The following LMO7 variants were observed in gnomAD, a reference collection of about 807,000 sequenced individuals.
LMO7 encodes LIM domain only protein 7.
Under a neutral mutation model 206.5 loss-of-function variants are expected in LMO7, and 120 were observed. The observed-to-expected ratio is 0.58, with a 90% CI of 0.50 to 0.68. LMO7 has a LOEUF of 0.68. LMO7 is among the 30% of genes least tolerant of loss of function. LMO7 has a pLI of 0.00. For synonymous variants in LMO7, 706 were observed against 681.5 expected (o/e 1.04, Z -0.56); for missense variants, 1,959 against 1,957.9 (o/e 1.00, Z -0.01).
Position 75,807,766 on chromosome 13 carries a change from G to C in LMO7, c.1483G>C (p.Glu495Gln). The change falls in exon 10 of 31, where the codon GAG (glutamate) becomes CAG (glutamine). Residue 495 changes from glutamate to glutamine, a missense_variant. Physicochemically the swap from Glu to Gln is conservative, Grantham distance 29 (BLOSUM62 2). Coordinates refer to ENST00000377534, the MANE Select transcript of LMO7 (RefSeq NM_001306080.2). ...GTTCTCTGAGCAAGATGATTCTGTA[G>C]AGCGAGATATAATTTTACAGTGTAG... Reference protein sequence around the residue: ...RKFSEQDDSVERDIILQCREG... With the variant: ...RKFSEQDDSVQRDIILQCREG... 2 of 1,613,948 alleles carry C rather than the reference G, an allele frequency of 1.2e-6. No individual in the cohort carries two copies. The highest frequency in any genetic ancestry group is 1.7e-6 in the Non-Finnish European group (2 of 1,179,884).
chr13:75,834,527 C>G (rs973285542), intron 17 of LMO7, 140 bp downstream of exon 17: 3 of 586,728 alleles, frequency 5.1e-6, no homozygotes, highest in Non-Finnish European at 8.5e-6. Context: ...TACGTCATGA[C>G]AAATCTTGAA....
rs1328872065 is a variant in LMO7, at chr13:75,630,802, GTTTTC to G, written c.225+7487_225+7491del. ...AGATAAGGTGCTTTATACACTGCCT[GTTTTC>G]TTTTTTCTTTTTTTCTTTTTGTATT... On this transcript the variant is annotated intron_variant, in intron 2 of 29. Transcript: ENST00000341547. Among the ~76,000 whole-genome samples, 72 of 149,686 alleles carry G rather than the reference GTTTTC, an allele frequency of 4.8e-4. 1 individual carries two copies. Among genetic ancestry groups the G allele is most frequent in the Non-Finnish European group, 1.5e-4 (10 of 67,678 alleles).
In LMO7 at chr13:75,807,833, T is replaced by A; in HGVS notation, c.1550T>A (p.Met517Lys). 1 of 1,613,932 alleles carries A rather than the reference T, an allele frequency of 6.2e-7. No homozygotes were observed. Among genetic ancestry groups the A allele is most frequent in the Non-Finnish European group, 8.5e-7 (1 of 1,179,884 alleles). ...CTTCCGGATTTGGAAAAAGATGATA[T>A]GATTGTTCGCCGAATTCCAGCACAG... ...LVLPDLEKDD[M>K]IVRRIPAQKK... Residue 517 changes from methionine to lysine, a missense_variant, in exon 10 of 31, where the codon ATG becomes AAG. By Grantham distance (95) the Met-to-Lys change is moderately conservative. Coordinates refer to ENST00000377534, the MANE Select transcript of LMO7 (RefSeq NM_001306080.2).
intron 4 of LMO7, among the ~76,000 whole-genome samples, chr13:75,776,131 A>G (rs2050355233): frequency 1.5e-5 from 2 of 129,650 alleles, no homozygotes; most frequent in South Asian, 5.1e-4. Flanking sequence ...ACATACATAT[A>G]TATATATATA....
chr13:75,729,427 TTGTC>T (rs1330540519), intron 3 of LMO7, among the ~76,000 whole-genome samples: 7 of 140,552 alleles, frequency 5.0e-5, no homozygotes, highest in Non-Finnish European at 9.4e-5. Flanking sequence ...GGCTCTCTGT[TTGTC>T]TGTTATTGGT....
intron 15 of LMO7, among the ~76,000 whole-genome samples, chr13:75,825,890 T>C (rs2058070110): frequency 6.6e-6 from 1 of 152,220 alleles, no homozygotes; most frequent in Non-Finnish European, 1.5e-5. Flanking sequence ...GCTGATCATC[T>C]AAATGTTTCG....
chr13:75,636,409 C>G lies in LMO7; in HGVS notation c.-249C>G, dbSNP rs2035857291. 7.5e-7 allele frequency: 1 copy of G among 1,333,208 alleles called. No individual in the cohort carries two copies. Among genetic ancestry groups the G allele is most frequent in the East Asian group, 3.4e-5 (1 of 29,090 alleles). The allele number at this position is 1,333,208 out of a possible 1,614,324, so 82.6% of individuals were successfully genotyped here. ...CCGCGTCCTGCCTGACTGCCCGGGTCCCCGCGGGCCTTGGGTCGCTTTCAG... is the reference window on the plus strand; with the variant it reads ...CCGCGTCCTGCCTGACTGCCCGGGTGCCCGCGGGCCTTGGGTCGCTTTCAG... On this transcript the variant is annotated 5_prime_UTR_variant, in exon 1 of 31. Transcript: ENST00000377534.
chr13:75,802,871 A>T (rs1465013498), intron 7 of LMO7, among the ~76,000 whole-genome samples: 3 of 152,222 alleles, frequency 2.0e-5, no homozygotes, highest in Non-Finnish European at 4.4e-5. Context: ...TTAGGATAAC[A>T]GAATTGCAAT....
chr13:75,764,589 AGAAAG>A (rs914443027), intron 4 of LMO7, among the ~76,000 whole-genome samples: 2 of 152,192 alleles, frequency 1.3e-5, no homozygotes, highest in African/African-American at 4.8e-5. Context: ...TGAAGTTGGC[AGAAAG>A]GTAGGGTTTA....
In LMO7 at chr13:75,640,813, T is replaced by C. The variant is rs532342452; in HGVS notation, c.69+4087T>C. On this transcript the variant is annotated intron_variant, in intron 1 of 30. Coordinates refer to ENST00000377534, the MANE Select transcript of LMO7 (RefSeq NM_001306080.2). ...GCTTCAGTGTCTTAAGCTTTATTGGTTGCAGTTGTTTGGTTGGAACCTGCT... is the reference window on the plus strand; with the variant it reads ...GCTTCAGTGTCTTAAGCTTTATTGGCTGCAGTTGTTTGGTTGGAACCTGCT... Among the ~76,000 whole-genome samples the C allele has an allele frequency of 1.7e-4, 26 of 152,350 alleles. No homozygotes were observed. In the South Asian group the frequency reaches 3.7e-3, roughly 22 times the overall value.
intron 15 of LMO7, among the ~76,000 whole-genome samples, chr13:75,825,816 A>C (rs577198687): frequency 6.6e-6 from 1 of 152,286 alleles, no homozygotes; most frequent in East Asian, 1.9e-4. Context: ...ACACTCCCTG[A>C]AACTCTATTC....
Position 75,702,385 on chromosome 13 carries a change from T to C in LMO7, c.70-10797T>C, listed in dbSNP as rs563586717. Among the ~76,000 whole-genome samples the C allele has an allele frequency of 2.0e-5, 3 of 152,318 alleles. No individual in the cohort carries two copies. In the South Asian group the frequency reaches 6.2e-4, roughly 32 times the overall value. On this transcript the variant is annotated intron_variant, in intron 1 of 30. Coordinates refer to ENST00000377534, the MANE Select transcript of LMO7 (RefSeq NM_001306080.2). ...AAGGGTAGGAGAAATGTTTAGACTT[T>C]TGACCACTGTGAGACTTTTGGGTTC...
At chr13:75,849,356 C>T (rs2060282900) in intron 27 of LMO7, 64 bp downstream of exon 27, 4 of 1,253,620 alleles carry the variant, frequency 3.2e-6, no homozygotes, top group Admixed American at 3.5e-5. Context: ...AATTTGTAGA[C>T]ATCCTGGTGC....
At chr13:75,707,956 A>G (rs1481509598) in intron 1 of LMO7, among the ~76,000 whole-genome samples, 1 of 152,102 alleles carries the variant, frequency 6.6e-6, no homozygotes, top group Non-Finnish European at 1.5e-5. Flanking sequence ...GGGTTTTCTG[A>G]ATAGCTTTGA....
At chr13:75,657,029 T>C (rs544107930) in intron 1 of LMO7, among the ~76,000 whole-genome samples, 105 of 152,280 alleles carry the variant, frequency 6.9e-4, no homozygotes, top group African/African-American at 2.4e-3. Context: ...TCCAGTGTGA[T>C]TGGTATCTTT....
intron 6 of LMO7, among the ~76,000 whole-genome samples, chr13:75,797,658 T>G (rs2054202574): frequency 6.6e-6 from 1 of 152,184 alleles, no homozygotes; most frequent in African/African-American, 2.4e-5. Flanking sequence ...TTGGAAGAAA[T>G]TTTAGGCCAG....
chr13:75,707,790 C>A (rs1444744492), intron 1 of LMO7, among the ~76,000 whole-genome samples: 1 of 151,552 alleles, frequency 6.6e-6, no homozygotes, highest in Non-Finnish European at 1.5e-5. Flanking sequence ...GGAATTTGGT[C>A]TTTTATCATC....
In LMO7 at chr13:75,623,203, T is replaced by C. The variant is rs1055625447; in HGVS notation, c.176-68T>C. 3.9e-6 allele frequency: 3 copies of C among 775,938 alleles called. No individual in the cohort carries two copies. The African/African-American group carries it at 5.3e-5, about 14-fold the overall frequency. The allele number at this position is 775,938 out of a possible 1,614,324, so 48.1% of individuals were successfully genotyped here. ...TATTTGTTGTTGCTCAATAAATATTTGTTGATTACTTTTCATTTTTTTTCT... is the reference window on the plus strand; with the variant it reads ...TATTTGTTGTTGCTCAATAAATATTCGTTGATTACTTTTCATTTTTTTTCT... On this transcript the variant is annotated intron_variant, in intron 1 of 29. Transcript: ENST00000341547.
chr13:75,738,487 T>C (rs1413514462), intron 3 of LMO7, among the ~76,000 whole-genome samples: 1 of 152,212 alleles, frequency 6.6e-6, no homozygotes, highest in African/African-American at 2.4e-5. Flanking sequence ...CATGTTTTCC[T>C]AGATTTTTTT....
Sources: allele counts gnomAD v4.1 joint callset (sites outside exome capture counted in the v4.1 genomes callset), GRCh38; gene constraint gnomAD v4.1.1; transcripts MANE v1.5; gene names NCBI Gene and HGNC (gene_info 2026-07-23, HGNC 2026-07-21).